GGA2: variants seen among roughly 807,000 people sequenced by gnomAD.
GGA2 encodes golgi associated, gamma adaptin ear containing, ARF binding protein 2.
In GGA2, 48 loss-of-function variants were observed where a neutral mutation model predicts 79.5. The ratio of observed to expected loss-of-function variants is 0.60; its 90% CI spans 0.48 to 0.77. The LOEUF is 0.77. Among genes scored for constraint, GGA2 ranks in the 30% least tolerant of loss-of-function variants. The probability of loss-of-function intolerance (pLI) is 0.00; values close to 1 mark genes in which losing one functional copy is unlikely to be tolerated. For synonymous variants in GGA2, 317 were observed against 302.0 expected (o/e 1.05, Z -0.51); for missense variants, 770 against 774.0 (o/e 0.99, Z 0.06).
intron 2 of GGA2, among the ~76,000 whole-genome samples, chr16:23,516,163 A>G (rs558352884): frequency 6.6e-6 from 1 of 150,716 alleles, no homozygotes; most frequent in African/African-American, 2.5e-5. Context: ...ACACGCCACC[A>G]TGCCCGGCCA....
At chr16:23,470,502 C>T (rs1964496505) in intron 14 of GGA2, among the ~76,000 whole-genome samples, 1 of 152,122 alleles carries the variant, frequency 6.6e-6, no homozygotes. Context: ...GGGGCTCACG[C>T]CTGTAATCCC....
At chr16:23,506,816 G>C (rs1358388957) in intron 1 of GGA2, among the ~76,000 whole-genome samples, 1 of 152,174 alleles carries the variant, frequency 6.6e-6, no homozygotes, top group Non-Finnish European at 1.5e-5. Flanking sequence ...GAACTTGTTT[G>C]CATGTGCAAT....
intron 8 of GGA2, among the ~76,000 whole-genome samples, chr16:23,483,686 G>C (rs1013254495): frequency 4.0e-5 from 6 of 151,792 alleles, no homozygotes; most frequent in Non-Finnish European, 7.4e-5. Flanking sequence ...CACTGTTGTT[G>C]CCCAGGCTGG....
intron 2 of GGA2, among the ~76,000 whole-genome samples, chr16:23,516,058 A>T (rs1842084870): frequency 6.7e-6 from 1 of 150,074 alleles, no homozygotes; most frequent in South Asian, 2.1e-4. Context: ...CCCAGGCTGG[A>T]GAGCAGTGGT....
upstream of GGA2, among the ~76,000 whole-genome samples, chr16:23,511,147 T>TTTTC (rs1965053909): frequency 6.6e-6 from 1 of 152,034 alleles, no homozygotes; most frequent in Non-Finnish European, 1.5e-5. Context: ...CATTTATTTT[T>TTTTC]TATTTTTCTT....
At chr16:23,474,681 G>T (rs1420567119) in intron 14 of GGA2, among the ~76,000 whole-genome samples, 1 of 151,806 alleles carries the variant, frequency 6.6e-6, no homozygotes, top group Non-Finnish European at 1.5e-5. Flanking sequence ...CAAACTCCTG[G>T]CCTCAAGTGA....
chr16:23,479,034 A>T (rs769933334), intron 11 of GGA2, 123 bp from the exon 12 acceptor site: 1 of 722,590 alleles, frequency 1.4e-6, no homozygotes, highest in African/African-American at 1.7e-5. Context: ...CAACTTACTG[A>T]AGGTCATGTG....
chr16:23,487,073 C>T (rs1278082872), intron 6 of GGA2, among the ~76,000 whole-genome samples: 4 of 151,756 alleles, frequency 2.6e-5, no homozygotes, highest in Non-Finnish European at 5.9e-5. Context: ...CCTCTGCCTC[C>T]CGGGTTCAAG....
At chr16:23,501,802 T>C (rs1402178343) in intron 1 of GGA2, among the ~76,000 whole-genome samples, 1 of 152,208 alleles carries the variant, frequency 6.6e-6, no homozygotes, top group Non-Finnish European at 1.5e-5. Context: ...GGAAACATCT[T>C]CAAGTTAGCC....
At chr16:23,498,677 G>T (rs1442505045) in intron 1 of GGA2, among the ~76,000 whole-genome samples, 1 of 152,184 alleles carries the variant, frequency 6.6e-6, no homozygotes, top group Admixed American at 6.5e-5. Flanking sequence ...GCAGTAAGAG[G>T]TCTACAAAGG....
chr16:23,516,120 G>A (rs1282915560), intron 2 of GGA2, among the ~76,000 whole-genome samples: 4 of 151,464 alleles, frequency 2.6e-5, no homozygotes, highest in African/African-American at 9.7e-5. Flanking sequence ...TGATCCTCCC[G>A]CCTCAGCCTC....
At position 23,467,719 on chromosome 16, in the gene GGA2, A is replaced by C; in HGVS notation, c.1732-19T>G. On this transcript the variant is annotated intron_variant, in intron 16 of 16. Coordinates refer to ENST00000309859, the MANE Select transcript of GGA2 (RefSeq NM_015044.4). ...TAGGTTCCTGGGACAGAAGAGACAG[A>C]AGATGTCAAATCAGTGGAGAGCAAC... 7.8e-7 allele frequency: 1 copy of C among 1,287,538 alleles called. No homozygotes were observed. The highest frequency in any genetic ancestry group is 1.1e-6 in the Non-Finnish European group (1 of 882,148). 79.8% of individuals were successfully genotyped at this position (1,287,538 alleles called of 1,614,324 possible). A position where few individuals can be genotyped will look rare whatever the true frequency, so the allele number is the denominator to read the frequency against.
At position 23,497,102 on chromosome 16, in the gene GGA2, CT is replaced by C. The variant is rs564396329; in HGVS notation, c.92-1325del. Among the ~76,000 whole-genome samples the C allele has an allele frequency of 1.1e-4, 6 of 52,846 alleles. No individual in the cohort carries two copies. In the South Asian group the frequency reaches 5.3e-3, roughly 47 times the overall value. The allele number at this position is 52,846 out of a possible 152,430, so 34.7% of individuals were successfully genotyped here. ...CCTGGGTGGGAGAGCAAGATCCTGC[CT>C]CAAAAACAAAAAAAAAAAACAACCA... On this transcript the variant is annotated intron_variant, in intron 1 of 16. Coordinates refer to ENST00000309859, the MANE Select transcript of GGA2 (RefSeq NM_015044.4).
At chr16:23,475,106 G>C (rs761958917) in intron 13 of GGA2, 45 bp from the exon 14 acceptor site, 1 of 1,265,136 alleles carries the variant, frequency 7.9e-7, no homozygotes, top group Non-Finnish European at 1.1e-6. Flanking sequence ...AAATTGTAGC[G>C]ATTTCCTGGA....
intron 1 of GGA2, among the ~76,000 whole-genome samples, chr16:23,508,191 C>T: frequency 6.6e-6 from 1 of 152,002 alleles, no homozygotes; most frequent in Non-Finnish European, 1.5e-5. Context: ...CTCGGCCTCC[C>T]AAGTAGCTGG....
At chr16:23,469,166 A>G (rs1335986544) in intron 15 of GGA2, 170 bp from the exon 16 acceptor site, 4 of 537,686 alleles carry the variant, frequency 7.4e-6, no homozygotes, top group Non-Finnish European at 1.4e-5. Context: ...GACTCCCACT[A>G]ATTGATAAAA....
At position 23,496,887 on chromosome 16, in the gene GGA2, G is replaced by A. The variant is rs191279007; in HGVS notation, c.92-1109C>T. On this transcript the variant is annotated intron_variant, in intron 1 of 16. Transcript: ENST00000309859. ...GCAGGAAAATTGCCTGAACCCAGGA[G>A]GTGGAGGTTGCAGTGAGCTGAGATG... Among the ~76,000 whole-genome samples the A allele has an allele frequency of 4.3e-3, 658 of 151,690 alleles. 3 individuals are homozygous for A. The highest frequency in any genetic ancestry group is 6.5e-3 in the Non-Finnish European group (442 of 67,930).
intron 8 of GGA2, among the ~76,000 whole-genome samples, chr16:23,483,849 G>A (rs1964679852): frequency 1.3e-5 from 2 of 151,258 alleles, no homozygotes; most frequent in Non-Finnish European, 3.0e-5. Flanking sequence ...GTTTCTCCAT[G>A]TTGGTCAGGC....
At chr16:23,500,530 T>C (rs1331670490) in intron 1 of GGA2, among the ~76,000 whole-genome samples, 1 of 151,314 alleles carries the variant, frequency 6.6e-6, no homozygotes, top group African/African-American at 2.4e-5. Context: ...AGCGGGGCAG[T>C]GTGCGGGGCC....
Sources: gnomAD v4.1 joint callset for allele counts (sites outside exome capture counted in the v4.1 genomes callset) on GRCh38, gnomAD v4.1.1 for gene constraint, MANE v1.5 for transcripts, NCBI Gene and HGNC (gene_info 2026-07-23, HGNC 2026-07-21) for gene names.